TMEM17: variants seen among roughly 807,000 people sequenced by gnomAD.
TMEM17 encodes the protein transmembrane protein 17.
TMEM17 carries 15 observed loss-of-function variants against 19.1 expected under a neutral mutation model. The observed-to-expected ratio is 0.78, with a 90% confidence interval of 0.52 to 1.21. TMEM17 has a LOEUF of 1.21. Among genes scored for constraint, TMEM17 ranks in the 50% most tolerant of loss-of-function variants. The pLI is 0.00. For synonymous variants in TMEM17, 103 were observed against 86.9 expected (o/e 1.19, Z -1.03); for missense variants, 245 against 242.3 (o/e 1.01, Z -0.07).
chr2:62,487,345 C>A, the TMEM17 span, among the ~76,000 whole-genome samples: 3 of 152,220 alleles, frequency 2.0e-5, no homozygotes, highest in Non-Finnish European at 4.4e-5. Flanking sequence ...CCCTCTTCCT[C>A]ATTTCGGTTC....
chr2:62,505,837 C>T (rs1380317794), intron 1 of TMEM17, among the ~76,000 whole-genome samples, 193 bp downstream of exon 1: 3 of 152,190 alleles, frequency 2.0e-5, no homozygotes, highest in Non-Finnish European at 4.4e-5. Flanking sequence ...CCAGGCCCGG[C>T]CGGGGGCGGG....
At chr2:62,459,529 T>C in the TMEM17 span, among the ~76,000 whole-genome samples, 1 of 152,232 alleles carries the variant, frequency 6.6e-6, no homozygotes, top group African/African-American at 2.4e-5. Flanking sequence ...TTCCCGGCTG[T>C]CACAACAAGG....
At chr2:62,457,069 C>T in the TMEM17 span, among the ~76,000 whole-genome samples, 17 of 152,356 alleles carry the variant, frequency 1.1e-4, no homozygotes, top group Middle Eastern at 0.01. This position sits in a 1 kb window ranked among gnomAD's most constrained non-coding sequence, Gnocchi z 4.2. Context: ...CCGGGCCTCT[C>T]TGCTCTCCCG....
At chr2:62,454,757 G>T in the TMEM17 span, among the ~76,000 whole-genome samples, 1 of 152,186 alleles carries the variant, frequency 6.6e-6, no homozygotes, top group Non-Finnish European at 1.5e-5. Context: ...AGGCTGGAGT[G>T]CAGTGGCACG....
the TMEM17 span, among the ~76,000 whole-genome samples, chr2:62,482,883 C>T: frequency 1.3e-5 from 2 of 152,146 alleles, no homozygotes; most frequent in South Asian, 2.1e-4. Flanking sequence ...GTTGGAGTTT[C>T]GTCAGTTGCT....
the TMEM17 span, among the ~76,000 whole-genome samples, chr2:62,455,633 G>C: frequency 6.6e-6 from 1 of 152,158 alleles, no homozygotes; most frequent in Non-Finnish European, 1.5e-5. Context: ...TGGGTGTGGT[G>C]GTGGGTGCCT....
chr2:62,471,058 G>C, the TMEM17 span, among the ~76,000 whole-genome samples: 1 of 152,226 alleles, frequency 6.6e-6, no homozygotes, highest in African/African-American at 2.4e-5. Context: ...TCCAGATGCA[G>C]GGTCTGGACT....
chr2:62,457,977 A>T, the TMEM17 span, among the ~76,000 whole-genome samples: 1 of 152,062 alleles, frequency 6.6e-6, no homozygotes, highest in African/African-American at 2.4e-5. This position sits in a 1 kb window ranked among gnomAD's most constrained non-coding sequence, Gnocchi z 4.2. Flanking sequence ...TCAGAAAAAG[A>T]CCCGGGTGTT....
the TMEM17 span, among the ~76,000 whole-genome samples, chr2:62,483,540 C>T: frequency 6.6e-6 from 1 of 151,952 alleles, no homozygotes; most frequent in Admixed American, 6.6e-5. Flanking sequence ...GTCAGTCCCC[C>T]AAATCCTAAA....
chr2:62,478,805 G>A, the TMEM17 span, among the ~76,000 whole-genome samples: 6 of 151,948 alleles, frequency 3.9e-5, no homozygotes, highest in African/African-American at 1.4e-4. Flanking sequence ...TTATTTTGAA[G>A]TTTACCGTAA....
chr2:62,466,966 A>G, the TMEM17 span, among the ~76,000 whole-genome samples: 1 of 152,124 alleles, frequency 6.6e-6, no homozygotes, highest in Non-Finnish European at 1.5e-5. Flanking sequence ...GAGCCCTTAG[A>G]CATTCCATTT....
chr2:62,481,698 G>GGTGTGTGTGTGTGT, the TMEM17 span, among the ~76,000 whole-genome samples: 348 of 144,150 alleles, frequency 2.4e-3, 1 homozygote, highest in Middle Eastern at 7.0e-3. Flanking sequence ...ACCCCTTAAA[G>GGTGTGTGTGTGTGT]GTGTGTGTGT....
the TMEM17 span, among the ~76,000 whole-genome samples, chr2:62,492,022 C>A: frequency 1.3e-5 from 2 of 151,720 alleles, no homozygotes; most frequent in South Asian, 2.1e-4. Context: ...TTTTAAAAAA[C>A]AATGAGAGTA....
rs1436505543 is a variant in TMEM17, at chr2:62,506,165, G to C, written c.-36C>G. ...CAGTATCCCTCACCCCCTCAGACAC[G>C]GGCTAGTCTGCGGGCGCTCCGAGGC... On this transcript the variant is annotated 5_prime_UTR_variant, in exon 1 of 4. Coordinates refer to ENST00000335390, the MANE Select transcript of TMEM17 (RefSeq NM_198276.3). The C allele has an allele frequency of 3.9e-6, 6 of 1,545,596 alleles. No homozygotes were observed. Among genetic ancestry groups the C allele is most frequent in the African/African-American group, 1.4e-5 (1 of 71,208 alleles).
intron 3 of TMEM17, 71 bp downstream of exon 3, chr2:62,502,365 AC>A (rs764710321): frequency 2.5e-5 from 26 of 1,039,736 alleles, no homozygotes; most frequent in Admixed American, 8.0e-5. Context: ...GCCACACCTC[AC>A]TGCCTTTTAC....
the TMEM17 span, among the ~76,000 whole-genome samples, chr2:62,477,450 G>C: frequency 1.8e-4 from 28 of 152,138 alleles, no homozygotes; most frequent in Non-Finnish European, 3.7e-4. Context: ...AACCAGAAGA[G>C]GCATTCATCT....
chr2:62,500,911 G>A lies in TMEM17; in HGVS notation c.*298C>T, dbSNP rs73934252. On this transcript the variant is annotated 3_prime_UTR_variant, in exon 4 of 4. Coordinates refer to ENST00000335390, the MANE Select transcript of TMEM17 (RefSeq NM_198276.3). ...TAAAGATTCTAACCAGAAATGCTAC[G>A]AGAGAGCTGGCAAATGACAACCACC... is the stretch of plus-strand genomic sequence containing the variant. 33,162 of 254,456 alleles carry A rather than the reference G, an allele frequency of 0.13. 2,462 individuals carry two copies. The highest frequency in any genetic ancestry group is 0.27 in the East Asian group (3,616 of 13,210). 15.8% of individuals were successfully genotyped at this position (254,456 alleles called of 1,614,324 possible). A position where few individuals can be genotyped will look rare whatever the true frequency, so the allele number is the denominator to read the frequency against.
the TMEM17 span, among the ~76,000 whole-genome samples, chr2:62,487,037 TTAA>T: frequency 6.6e-6 from 1 of 152,222 alleles, no homozygotes; most frequent in Non-Finnish European, 1.5e-5. Flanking sequence ...TTCAATCATC[TTAA>T]TAATTGTGTT....
At chr2:62,481,360 A>C in the TMEM17 span, among the ~76,000 whole-genome samples, 1 of 152,126 alleles carries the variant, frequency 6.6e-6, no homozygotes, top group African/African-American at 2.4e-5. Flanking sequence ...AGGTTTTTCT[A>C]TATGTAAGAT....
Sources: gnomAD v4.1 joint callset for allele counts (sites outside exome capture counted in the v4.1 genomes callset) on GRCh38, gnomAD v4.1.1 for gene constraint, Gnocchi (gnomAD v3.1) non-coding constraint, MANE v1.5 for transcripts, NCBI Gene and HGNC (gene_info 2026-07-23, HGNC 2026-07-21) for gene names.